Variants in SCRG1 observed in about 807,000 individuals in gnomAD.
The protein encoded by SCRG1 is stimulator of chondrogenesis 1.
Under a neutral mutation model 7.7 loss-of-function variants are expected in SCRG1, and 3 were observed. The ratio of observed to expected loss-of-function variants is 0.39; its 90% CI spans 0.18 to 1.01. The LOEUF (loss-of-function observed/expected upper bound fraction) is 1.01. Among genes scored for constraint, SCRG1 ranks in the 50% least tolerant of loss-of-function variants. The pLI is 0.36. For missense variants in SCRG1, 110 were observed against 117.2 expected, an observed-to-expected ratio of 0.94 and a Z score of 0.28; for synonymous variants, 46 against 41.2, an observed-to-expected ratio of 1.12 and a Z score of -0.44.
the SCRG1 span, among the ~76,000 whole-genome samples, chr4:173,417,750 C>G: frequency 6.6e-6 from 1 of 152,154 alleles, no homozygotes; most frequent in Non-Finnish European, 1.5e-5. Flanking sequence ...CCCACCACCT[C>G]AGCCCCACAA....
chr4:173,453,354 C>T, the SCRG1 span, among the ~76,000 whole-genome samples: 1 of 152,210 alleles, frequency 6.6e-6, no homozygotes, highest in African/African-American at 2.4e-5. Context: ...ACAACTGTCT[C>T]CAGCAGATAT....
At chr4:173,436,383 G>C in the SCRG1 span, among the ~76,000 whole-genome samples, 1 of 152,176 alleles carries the variant, frequency 6.6e-6, no homozygotes, top group East Asian at 1.9e-4. Flanking sequence ...GCTCAGGACT[G>C]ATGCTCTTAC....
chr4:173,428,195 G>A, the SCRG1 span, among the ~76,000 whole-genome samples: 1 of 152,292 alleles, frequency 6.6e-6, no homozygotes, highest in African/African-American at 2.4e-5. Context: ...TTGGAAACAG[G>A]TCAAAGGGAG....
chr4:173,506,934 C>T, the SCRG1 span, among the ~76,000 whole-genome samples: 1 of 152,304 alleles, frequency 6.6e-6, no homozygotes, highest in African/African-American at 2.4e-5. The surrounding 1 kb of genome is among the most constrained non-coding windows in gnomAD (Gnocchi z 5.3). Context: ...TTTTCTCCTC[C>T]GCTCGCCGTC....
chr4:173,435,409 G>A, the SCRG1 span, among the ~76,000 whole-genome samples: 2 of 152,138 alleles, frequency 1.3e-5, no homozygotes, highest in Non-Finnish European at 2.9e-5. Flanking sequence ...GTGGTTACCC[G>A]TCGGACATCC....
At chr4:173,509,347 T>C in the SCRG1 span, among the ~76,000 whole-genome samples, 1 of 152,140 alleles carries the variant, frequency 6.6e-6, no homozygotes, top group Admixed American at 6.5e-5. This position sits in a 1 kb window ranked among gnomAD's most constrained non-coding sequence, Gnocchi z 5.7. Context: ...GCTCTGAGCC[T>C]CCCACTCTGT....
At chr4:173,395,540 C>T (rs1383451239) in intron 1 of SCRG1, among the ~76,000 whole-genome samples, 1 of 152,196 alleles carries the variant, frequency 6.6e-6, no homozygotes, top group Non-Finnish European at 1.5e-5. Context: ...TGTTCCTTCT[C>T]ACCCCTTCCC....
chr4:173,481,173 A>G, the SCRG1 span, among the ~76,000 whole-genome samples: 1 of 152,156 alleles, frequency 6.6e-6, no homozygotes, highest in East Asian at 1.9e-4. Context: ...AACCACATCA[A>G]TTTCCCTTTA....
At chr4:173,503,833 C>T in the SCRG1 span, among the ~76,000 whole-genome samples, 2 of 152,160 alleles carry the variant, frequency 1.3e-5, no homozygotes, top group Non-Finnish European at 2.9e-5. The surrounding 1 kb of genome is among the most constrained non-coding windows in gnomAD (Gnocchi z 6.4). Context: ...TGCCCAAACT[C>T]CCAACAGCTT....
the SCRG1 span, among the ~76,000 whole-genome samples, chr4:173,459,972 A>G: frequency 3.3e-4 from 50 of 152,348 alleles, no homozygotes; most frequent in Non-Finnish European, 6.5e-4. Context: ...TACACATTAT[A>G]TTCATGTATC....
chr4:173,422,570 G>C, the SCRG1 span, among the ~76,000 whole-genome samples: 1 of 152,080 alleles, frequency 6.6e-6, no homozygotes, highest in Non-Finnish European at 1.5e-5. Context: ...ATCATTACTA[G>C]CGGACACATC....
chr4:173,388,218 C>A lies in SCRG1; in HGVS notation c.*123G>T. On this transcript the variant is annotated 3_prime_UTR_variant, in exon 3 of 3. Transcript: ENST00000296506. Reference sequence around the variant, plus strand: ...TTAACACAGATTTACTTGTCTTAGACAAGTAAGAATTTATAGAATCTATGC... The same window carrying A: ...TTAACACAGATTTACTTGTCTTAGAAAAGTAAGAATTTATAGAATCTATGC... 1 of 569,022 alleles carries A rather than the reference C, an allele frequency of 1.8e-6. No homozygotes were observed. Among genetic ancestry groups the A allele is most frequent in the South Asian group, 3.4e-5 (1 of 29,566 alleles). 35.2% of individuals were successfully genotyped at this position (569,022 alleles called of 1,614,324 possible). A position where few individuals can be genotyped will look rare whatever the true frequency, so the allele number is the denominator to read the frequency against.
At chr4:173,506,301 C>T in the SCRG1 span, among the ~76,000 whole-genome samples, 1 of 152,182 alleles carries the variant, frequency 6.6e-6, no homozygotes, top group Non-Finnish European at 1.5e-5. This position sits in a 1 kb window ranked among gnomAD's most constrained non-coding sequence, Gnocchi z 5.3. Flanking sequence ...TTTCCCATCA[C>T]TTAAATCACC....
the SCRG1 span, among the ~76,000 whole-genome samples, chr4:173,432,105 G>A: frequency 3.3e-5 from 5 of 152,206 alleles, no homozygotes; most frequent in Non-Finnish European, 7.3e-5. Context: ...TGCACATTGT[G>A]ATGTTGTCAA....
intron 1 of SCRG1, among the ~76,000 whole-genome samples, chr4:173,396,101 A>G (rs1334510570): frequency 6.6e-6 from 1 of 152,216 alleles, no homozygotes; most frequent in Non-Finnish European, 1.5e-5. Flanking sequence ...GCAAGAGGGA[A>G]AGAATCAAGG....
chr4:173,507,211 G>T, the SCRG1 span, among the ~76,000 whole-genome samples: 33 of 152,104 alleles, frequency 2.2e-4, no homozygotes, highest in South Asian at 6.7e-3. This position sits in a 1 kb window ranked among gnomAD's most constrained non-coding sequence, Gnocchi z 4.4. Context: ...TTGTTTGTTT[G>T]TTTGTTTGTT....
At chr4:173,445,785 C>G in the SCRG1 span, among the ~76,000 whole-genome samples, 1 of 151,238 alleles carries the variant, frequency 6.6e-6, no homozygotes, top group Non-Finnish European at 1.5e-5. Flanking sequence ...CCTGTCTCAG[C>G]CTCCTGAGTA....
At chr4:173,485,055 T>TAATATAA in the SCRG1 span, among the ~76,000 whole-genome samples, 66 of 23,608 alleles carry the variant, frequency 2.8e-3, 13 homozygotes, top group African/African-American at 0.012. Flanking sequence ...ATATAATATA[T>TAATATAA]TATATATTAT....
chr4:173,399,672 G>C (rs937933902), upstream of SCRG1: 1 of 152,240 alleles, frequency 6.6e-6, no homozygotes, highest in Non-Finnish European at 1.5e-5. Context: ...GTAGTCAATG[G>C]AAAGCTAAAA....
Sources: allele counts gnomAD v4.1 joint callset (sites outside exome capture counted in the v4.1 genomes callset), GRCh38; gene constraint gnomAD v4.1.1; non-coding constraint Gnocchi (gnomAD v3.1); transcripts MANE v1.5; gene names NCBI Gene and HGNC (gene_info 2026-07-23, HGNC 2026-07-21).